The following DAW1 variants were observed in gnomAD, a reference collection of about 807,000 sequenced individuals.
DAW1 encodes the protein dynein assembly factor with WD repeats 1.
Under a neutral mutation model 56.5 loss-of-function variants are expected in DAW1, and 47 were observed. The observed-to-expected ratio is 0.83, with a 90% CI of 0.66 to 1.06. The LOEUF is 1.06. Among genes scored for constraint, DAW1 ranks in the 50% least tolerant of loss-of-function variants. The pLI is 0.00. For synonymous variants in DAW1, 190 were observed against 179.0 expected (o/e 1.06, Z -0.49); for missense variants, 505 against 499.3 (o/e 1.01, Z -0.11).
At chr2:227,918,322 G>A (rs1410651555) in intron 10 of DAW1, among the ~76,000 whole-genome samples, 1 of 152,182 alleles carries the variant, frequency 6.6e-6, no homozygotes, top group Non-Finnish European at 1.5e-5. Context: ...TGTAGAAAAG[G>A]GTTTTTGAAG....
At chr2:227,895,259 G>A (rs1691380358) in intron 5 of DAW1, among the ~76,000 whole-genome samples, 1 of 152,176 alleles carries the variant, frequency 6.6e-6, no homozygotes, top group Non-Finnish European at 1.5e-5. Context: ...GTCAAAGAAA[G>A]ACAGTGGCCT....
intron 1 of DAW1, chr2:227,872,492 A>T (rs1690780316): frequency 6.6e-6 from 1 of 152,100 alleles, no homozygotes; most frequent in Admixed American, 6.6e-5. Flanking sequence ...CCTGCAACAC[A>T]TCCAACTGCT....
intron 10 of DAW1, among the ~76,000 whole-genome samples, chr2:227,911,263 TATACAC>T (rs1490757027): frequency 1.7e-4 from 25 of 145,814 alleles, no homozygotes; most frequent in African/African-American, 2.5e-4. Context: ...TACACGTGTA[TATACAC>T]ATATACACGT....
intron 12 of DAW1, 133 bp from the exon 13 acceptor site, chr2:227,923,801 C>A: frequency 9.9e-7 from 1 of 1,006,304 alleles, no homozygotes; most frequent in African/African-American, 1.6e-5. Flanking sequence ...GACTCTGCAG[C>A]TAGGCGCGGA....
chr2:227,918,215 C>G (rs1394806485), intron 10 of DAW1, among the ~76,000 whole-genome samples: 1 of 150,940 alleles, frequency 6.6e-6, no homozygotes, highest in Non-Finnish European at 1.5e-5. Flanking sequence ...ATCCATCCAT[C>G]CATCCATACT....
In DAW1 at chr2:227,907,111, T is replaced by G. The variant is rs555149428; in HGVS notation, c.859-27T>G. 8.5e-6 allele frequency: 13 copies of G among 1,533,222 alleles called. 1 individual carries two copies. The highest frequency in any genetic ancestry group is 7.5e-5 in the Admixed American group (4 of 53,514). 95.0% of individuals were successfully genotyped at this position (1,533,222 alleles called of 1,614,324 possible). A position where few individuals can be genotyped will look rare whatever the true frequency, so the allele number is the denominator to read the frequency against. ...AGACAGAAAGTCATAGTCTTTTTTT[T>G]TTTGTTTTTTGTTCTTTTAATTGTA... On this transcript the variant is annotated intron_variant, in intron 9 of 12. Coordinates refer to ENST00000309931, the MANE Select transcript of DAW1 (RefSeq NM_178821.3).
At chr2:227,897,537 A>G (rs955606063) in intron 5 of DAW1, among the ~76,000 whole-genome samples, 2 of 152,206 alleles carry the variant, frequency 1.3e-5, no homozygotes, top group Admixed American at 6.5e-5. Flanking sequence ...GGTTAAAAGA[A>G]AGGTTTTAGT....
chr2:227,889,973 C>T lies in DAW1; in HGVS notation c.231C>T (p.Asn77=). Reference sequence around the variant, plus strand: ...GGTTGCAAGAGAAACTCGGCCAGAACAGCAATCACACGTTCTATCTTTTTA... The same window carrying T: ...GGTTGCAAGAGAAACTCGGCCAGAATAGCAATCACACGTTCTATCTTTTTA... ...IQRLQEKLGQ[N]SNHTFYLFKV... is the part of the protein sequence containing the mutation. Residue 77 remains asparagine, a synonymous_variant, in exon 3 of 13, where the codon AAC becomes AAT. Transcript: ENST00000309931. 1.3e-6 allele frequency: 2 copies of T among 1,597,364 alleles called. No individual in the cohort carries two copies. The highest frequency in any genetic ancestry group is 1.4e-5 in the African/African-American group (1 of 73,998).
intron 10 of DAW1, among the ~76,000 whole-genome samples, chr2:227,907,962 G>A (rs562562329): frequency 6.6e-6 from 1 of 152,258 alleles, no homozygotes; most frequent in East Asian, 1.9e-4. Flanking sequence ...TATGTCTACT[G>A]CATCTTTGTG....
At chr2:227,915,631 A>T (rs1691933879) in intron 10 of DAW1, among the ~76,000 whole-genome samples, 1 of 152,124 alleles carries the variant, frequency 6.6e-6, no homozygotes, top group African/African-American at 2.4e-5. Context: ...ATGCTGTAAC[A>T]TACCCTGTCT....
At chr2:227,923,809 G>A (rs1233914229) in intron 12 of DAW1, 125 bp from the exon 13 acceptor site, 15 of 1,130,504 alleles carry the variant, frequency 1.3e-5, no homozygotes, top group East Asian at 1.3e-4. Flanking sequence ...AGCTAGGCGC[G>A]GAGAACCTAG....
At chr2:227,902,895 A>G in intron 6 of DAW1, 107 bp from the exon 7 acceptor site, 2 of 1,164,236 alleles carry the variant, frequency 1.7e-6, no homozygotes, top group Non-Finnish European at 2.5e-6. Context: ...TTGTACAAAG[A>G]ATTAGATGGA....
chr2:227,913,797 T>C (rs879637398), intron 10 of DAW1, among the ~76,000 whole-genome samples: 2 of 152,082 alleles, frequency 1.3e-5, no homozygotes, highest in Non-Finnish European at 2.9e-5. Context: ...GATGCTACAG[T>C]GTCTCTGTCA....
chr2:227,917,034 CTA>C (rs1691966445), intron 10 of DAW1, among the ~76,000 whole-genome samples: 3 of 152,078 alleles, frequency 2.0e-5, no homozygotes, highest in Non-Finnish European at 4.4e-5. Context: ...TGACCCTACA[CTA>C]TGTTTATGTT....
intron 11 of DAW1, among the ~76,000 whole-genome samples, chr2:227,920,103 G>T (rs184626763): frequency 6.6e-6 from 1 of 152,266 alleles, no homozygotes; most frequent in African/African-American, 2.4e-5. Context: ...TGGCTAGGTA[G>T]CTATTGAGAC....
chr2:227,890,823 C>T (rs1691243941), intron 3 of DAW1, among the ~76,000 whole-genome samples: 1 of 152,092 alleles, frequency 6.6e-6, no homozygotes, highest in African/African-American at 2.4e-5. Context: ...TTGGACTGTC[C>T]CAGCCCAGCC....
chr2:227,907,184 A>G lies in DAW1; in HGVS notation c.905A>G (p.His302Arg), dbSNP rs1263485096. Residue 302 changes from histidine to arginine, a missense_variant, in exon 10 of 13, where the codon CAT becomes CGT. Coordinates refer to ENST00000309931, the MANE Select transcript of DAW1 (RefSeq NM_178821.3). Reference sequence around the variant, plus strand: ...AAATGTGTGGCAACCTTAACAGGCCATGATGATGAAATACTAGACAGCTGC... The same window carrying G: ...AAATGTGTGGCAACCTTAACAGGCCGTGATGATGAAATACTAGACAGCTGC... Reference protein sequence around the residue: ...NGKCVATLTGHDDEILDSCFD... With the variant: ...NGKCVATLTGRDDEILDSCFD... 2.5e-6 allele frequency: 4 copies of G among 1,613,764 alleles called. No individual in the cohort carries two copies. The highest frequency in any genetic ancestry group is 1.7e-5 in the Admixed American group (1 of 59,968).
intron 1 of DAW1, among the ~76,000 whole-genome samples, chr2:227,882,761 T>G (rs374463778): frequency 1.3e-5 from 2 of 152,228 alleles, no homozygotes; most frequent in East Asian, 3.9e-4. Context: ...GTTCTCATGA[T>G]AGTGAGTGAG....
chr2:227,886,980 G>A (rs1394987604), intron 2 of DAW1, among the ~76,000 whole-genome samples: 1 of 152,190 alleles, frequency 6.6e-6, no homozygotes, highest in Non-Finnish European at 1.5e-5. Context: ...TCTTATATGG[G>A]CTGCTCTCTA....
Sources: allele counts gnomAD v4.1 joint callset (sites outside exome capture counted in the v4.1 genomes callset), GRCh38; gene constraint gnomAD v4.1.1; transcripts MANE v1.5; gene names NCBI Gene and HGNC (gene_info 2026-07-23, HGNC 2026-07-21).